Variants in SIDT1 observed in about 807,000 individuals in gnomAD.
SIDT1 encodes SID1 transmembrane family member 1.
A neutral mutation model predicts 107.5 loss-of-function variants in SIDT1; 101 were observed. The ratio of observed to expected loss-of-function variants is 0.94; its 90% CI spans 0.80 to 1.11. The LOEUF (loss-of-function observed/expected upper bound fraction) is 1.11, where lower values mean the gene tolerates loss of function less well. SIDT1 is among the 50% of genes least tolerant of loss of function. SIDT1 has a pLI of 0.00. For synonymous variants in SIDT1, 395 were observed against 398.2 expected (o/e 0.99, Z 0.10); for missense variants, 1,076 against 1,058.2 (o/e 1.02, Z -0.23).
At chr3:113,617,986 T>G (rs1415000329) in intron 20 of SIDT1, among the ~76,000 whole-genome samples, 1 of 152,194 alleles carries the variant, frequency 6.6e-6, no homozygotes, top group Non-Finnish European at 1.5e-5. Context: ...TGATGTACAC[T>G]CATGGGTTTT....
At chr3:113,563,170 C>T (rs1251067172) in intron 1 of SIDT1, among the ~76,000 whole-genome samples, 18 of 152,102 alleles carry the variant, frequency 1.2e-4, no homozygotes, top group Admixed American at 1.1e-3. Flanking sequence ...AAACTAGAGA[C>T]GAAGGCACAG....
intron 14 of SIDT1, chr3:113,606,674 T>C (rs1353954812): frequency 4.8e-5 from 8 of 167,118 alleles, no homozygotes; most frequent in Non-Finnish European, 1.0e-4. Context: ...GACAGCTCTA[T>C]ATCCCCTCTG....
intron 1 of SIDT1, among the ~76,000 whole-genome samples, chr3:113,536,098 A>G (rs1382639000): frequency 1.3e-5 from 2 of 152,148 alleles, no homozygotes; most frequent in Non-Finnish European, 2.9e-5. Context: ...CCGACAATTT[A>G]CCACCAGGGG....
rs527557779 is a variant in SIDT1 at position 113,532,581 on chromosome 3, C to T, written c.-441C>T. ...TATTTGAAACAGACCGAATTTCCTC[C>T]TCGATGTGGCGTCAGGTTGACTTTT... On this transcript the variant is annotated 5_prime_UTR_variant, in exon 1 of 25. Coordinates refer to ENST00000264852, the MANE Select transcript of SIDT1 (RefSeq NM_017699.3). 6.3e-6 allele frequency: 1 copy of T among 157,742 alleles called. No homozygotes were observed. Among genetic ancestry groups the T allele is most frequent in the South Asian group, 2.1e-4 (1 of 4,858 alleles). 9.8% of individuals were successfully genotyped at this position (157,742 alleles called of 1,614,324 possible). A position where few individuals can be genotyped will look rare whatever the true frequency, so the allele number is the denominator to read the frequency against.
intron 17 of SIDT1, among the ~76,000 whole-genome samples, chr3:113,609,494 T>A (rs1945589036): frequency 6.6e-6 from 1 of 152,172 alleles, no homozygotes; most frequent in African/African-American, 2.4e-5. Context: ...AAAGGTGGGA[T>A]TAGCTTTCCT....
intron 10 of SIDT1, among the ~76,000 whole-genome samples, chr3:113,598,163 T>C (rs562974486): frequency 7.9e-5 from 12 of 152,166 alleles, no homozygotes; most frequent in Non-Finnish European, 1.5e-4. Context: ...TGCCTCAAAA[T>C]GAACAGGGCC....
intron 10 of SIDT1, among the ~76,000 whole-genome samples, chr3:113,595,806 A>T (rs1361236208): frequency 6.6e-6 from 1 of 152,200 alleles, no homozygotes; most frequent in Non-Finnish European, 1.5e-5. Flanking sequence ...GAATGATGGC[A>T]TCACCCCCAA....
chr3:113,575,363 G>A (rs114409405), intron 3 of SIDT1, among the ~76,000 whole-genome samples: 128 of 152,310 alleles, frequency 8.4e-4, no homozygotes, highest in African/African-American at 3.0e-3. Flanking sequence ...AAGAATTGAA[G>A]GTCTCATGTT....
chr3:113,604,915 T>C lies in SIDT1; in HGVS notation c.1343T>C (p.Ile448Thr). 1 of 1,614,134 alleles carries C rather than the reference T, an allele frequency of 6.2e-7. No individual in the cohort carries two copies. The change falls in exon 14 of 25, where the codon ATC (isoleucine) becomes ACC (threonine). Residue 448 changes from isoleucine (I) to threonine (T), a missense_variant. Coordinates refer to ENST00000264852, the MANE Select transcript of SIDT1 (RefSeq NM_017699.3). ...GGTTCTTTCTGCCTGCATAGGAACA[T>C]CATCACCATTGCTGTGTTTTACGCG... Reference protein sequence around the residue: ...SKKYKIYFWNIITIAVFYALP... With the variant: ...SKKYKIYFWNTITIAVFYALP...
At chr3:113,605,124 C>CTTTTTTT (rs5851901) in intron 14 of SIDT1, 148 bp downstream of exon 14, 72,317 of 334,928 alleles carry the variant, frequency 0.22, 9,708 homozygotes, top group African/African-American at 0.31. Flanking sequence ...ATTGCTTCCT[C>CTTTTTTT]TTTTTTTTTT....
At chr3:113,537,939 A>T (rs1419964303) in intron 1 of SIDT1, among the ~76,000 whole-genome samples, 1 of 152,014 alleles carries the variant, frequency 6.6e-6, no homozygotes, top group Non-Finnish European at 1.5e-5. Flanking sequence ...TCCACTATCA[A>T]GCCTGGTTCA....
rs187097335 is a variant in SIDT1, at chr3:113,543,538, C to T, written c.222+10295C>T. Among the ~76,000 whole-genome samples, 58 of 152,144 alleles carry T rather than the reference C, an allele frequency of 3.8e-4. No homozygotes were observed. The East Asian group carries it at 9.7e-3, about 25-fold the overall frequency. On this transcript the variant is annotated intron_variant, in intron 1 of 24. Transcript: ENST00000264852. ...AACTTGCTCCCACCCACTCATGTTT[C>T]GGGGTTAGTGGGGATACCTCGTCAA...
intron 3 of SIDT1, chr3:113,568,010 G>A: frequency 3.7e-6 from 1 of 267,336 alleles, no homozygotes; most frequent in East Asian, 7.6e-5. Flanking sequence ...AAATACTTTT[G>A]TATTCCCAAC....
Position 113,627,726 on chromosome 3 carries a change from AGG to A in SIDT1, c.*21_*22del, listed in dbSNP as rs1406505412. 6.2e-7 allele frequency: 1 copy of A among 1,611,838 alleles called. No homozygotes were observed. Among genetic ancestry groups the A allele is most frequent in the Non-Finnish European group, 8.5e-7 (1 of 1,178,874 alleles). On this transcript the variant is annotated 3_prime_UTR_variant, in exon 25 of 25. Coordinates refer to ENST00000264852, the MANE Select transcript of SIDT1 (RefSeq NM_017699.3). ...TCTTCTGAACCTCCAACATTAAGAG[AGG>A]GGAGGGAGCGATCAATCTTGGTGCT...
intron 19 of SIDT1, chr3:113,614,944 C>G: frequency 9.5e-7 from 1 of 1,055,670 alleles, no homozygotes; most frequent in South Asian, 1.4e-5. Flanking sequence ...AATCAGAAAG[C>G]AAAATTAAAG....
intron 4 of SIDT1, 74 bp from the exon 5 acceptor site, chr3:113,580,534 T>G: frequency 2.3e-6 from 2 of 869,270 alleles, no homozygotes; most frequent in South Asian, 2.8e-5. Context: ...ACGTATAAAT[T>G]TTGTGCCTAA....
chr3:113,588,605 A>G (rs1434862157), intron 9 of SIDT1: 1 of 152,178 alleles, frequency 6.6e-6, no homozygotes, highest in Non-Finnish European at 1.5e-5. Context: ...TTCCCTTCCC[A>G]TCCTCCAGCC....
intron 1 of SIDT1, among the ~76,000 whole-genome samples, chr3:113,545,114 TAAAAAAAAA>T (rs554009768): frequency 9.5e-4 from 70 of 73,970 alleles, no homozygotes; most frequent in East Asian, 2.6e-3. Context: ...GAGACTCTGT[TAAAAAAAAA>T]AAAAAAAAAA....
intron 1 of SIDT1, among the ~76,000 whole-genome samples, chr3:113,555,270 T>C (rs1217313087): frequency 6.6e-6 from 1 of 152,212 alleles, no homozygotes; most frequent in Non-Finnish European, 1.5e-5. Flanking sequence ...CCCCAAAATC[T>C]ATGTCATGCA....
Sources: allele counts gnomAD v4.1 joint callset (sites outside exome capture counted in the v4.1 genomes callset), GRCh38; gene constraint gnomAD v4.1.1; transcripts MANE v1.5; gene names NCBI Gene and HGNC (gene_info 2026-07-23, HGNC 2026-07-21).